LINGO2: variants seen among roughly 807,000 people sequenced by gnomAD.
LINGO2 encodes the protein leucine rich repeat and Ig domain containing 2, also known as leucine-rich repeat and immunoglobulin-like domain-containing nogo receptor-interacting protein 2.
Under a neutral mutation model 30.6 loss-of-function variants are expected in LINGO2, and 14 were observed. The observed-to-expected ratio is 0.46, with a 90% CI of 0.30 to 0.72. LINGO2 has a LOEUF of 0.72. LINGO2 is among the 30% of genes least tolerant of loss of function. The pLI is 0.07. For missense variants in LINGO2, 729 were observed against 751.7 expected (o/e 0.97, Z 0.35); for synonymous variants, 317 against 288.5 (o/e 1.10, Z -1.00).
intron 2 of LINGO2, among the ~76,000 whole-genome samples, chr9:28,453,478 GAAAT>G (rs1824727850): frequency 6.6e-6 from 1 of 151,834 alleles, no homozygotes; most frequent in African/African-American, 2.4e-5. Flanking sequence ...TTCAAATTGT[GAAAT>G]AAATAAAATA....
intron 5 of LINGO2, among the ~76,000 whole-genome samples, chr9:27,998,240 T>C (rs1045529909): frequency 2.8e-4 from 42 of 152,190 alleles, no homozygotes; most frequent in Admixed American, 2.7e-3. Context: ...CTAGGTCATA[T>C]GAAACCTTTC....
At chr9:29,154,093 T>C in the LINGO2 span, among the ~76,000 whole-genome samples, 1 of 152,138 alleles carries the variant, frequency 6.6e-6, no homozygotes, top group Non-Finnish European at 1.5e-5. Context: ...ATTAATAGTT[T>C]TAGTTAATAG....
intron 1 of LINGO2, among the ~76,000 whole-genome samples, chr9:28,591,130 G>A (rs1270954891): frequency 6.6e-6 from 1 of 151,786 alleles, no homozygotes; most frequent in Non-Finnish European, 1.5e-5. Context: ...GACACAGGAA[G>A]GGGAACCTCA....
the LINGO2 span, among the ~76,000 whole-genome samples, chr9:28,678,842 G>A: frequency 3.3e-5 from 5 of 152,172 alleles, no homozygotes; most frequent in African/African-American, 1.2e-4. Flanking sequence ...CAAACTTGGT[G>A]CCTCAACAGT....
At position 28,528,760 on chromosome 9, in the gene LINGO2, GGTGT is replaced by G. The variant is rs113637611; in HGVS notation, c.-364-52739_-364-52736del. On this transcript the variant is annotated intron_variant, in intron 1 of 5. Coordinates refer to ENST00000379992, the Ensembl canonical transcript of LINGO2. ...ACCATCTACTATTCTCTGCAGCAAAGGTGTGTGTGTGTGTGTGTATTGTTGATGT... is the reference window on the plus strand; with the variant it reads ...ACCATCTACTATTCTCTGCAGCAAAGGTGTGTGTGTGTGTATTGTTGATGT... 1.6e-3 allele frequency among the ~76,000 whole-genome samples: 245 copies of G among 150,278 alleles called. 1 individual carries two copies. The highest frequency in any genetic ancestry group is 3.4e-3 in the Middle Eastern group (1 of 292).
the LINGO2 span, among the ~76,000 whole-genome samples, chr9:29,131,481 C>T: frequency 1.3e-5 from 2 of 151,996 alleles, no homozygotes; most frequent in Non-Finnish European, 2.9e-5. Flanking sequence ...CATCCCAATC[C>T]CCGCTCTATT....
intron 2 of LINGO2, among the ~76,000 whole-genome samples, chr9:28,472,417 A>G (rs531262303): frequency 1.3e-5 from 2 of 152,108 alleles, no homozygotes; most frequent in African/African-American, 4.8e-5. Context: ...TGTTAAGGGA[A>G]TCAAGAAAAT....
At chr9:29,062,772 T>TA in the LINGO2 span, among the ~76,000 whole-genome samples, 1 of 152,054 alleles carries the variant, frequency 6.6e-6, no homozygotes, top group Non-Finnish European at 1.5e-5. Flanking sequence ...GATGGTTGCA[T>TA]AAAAAAGTAC....
In LINGO2 at chr9:28,557,094, C is replaced by T. The variant is rs572076818; in HGVS notation, c.-364-81069G>A. 2.6e-5 allele frequency among the ~76,000 whole-genome samples: 4 copies of T among 152,156 alleles called. No individual in the cohort carries two copies. In the South Asian group the frequency reaches 8.3e-4, roughly 32 times the overall value. Reference sequence around the variant, plus strand: ...TTCAGGACATAGGCATGGGCAAGGACTTCATGTCTAAAACACCAAAAGCAA... The same window carrying T: ...TTCAGGACATAGGCATGGGCAAGGATTTCATGTCTAAAACACCAAAAGCAA... On this transcript the variant is annotated intron_variant, in intron 1 of 5. Coordinates refer to ENST00000379992, the Ensembl canonical transcript of LINGO2.
chr9:28,830,717 C>T, the LINGO2 span, among the ~76,000 whole-genome samples: 2 of 151,972 alleles, frequency 1.3e-5, no homozygotes, highest in Non-Finnish European at 2.9e-5. Context: ...CTGACGTCTC[C>T]CCAAAACTAC....
chr9:28,091,137 G>T (rs1826071466), intron 4 of LINGO2, among the ~76,000 whole-genome samples: 1 of 152,110 alleles, frequency 6.6e-6, no homozygotes, highest in South Asian at 2.1e-4. Flanking sequence ...TGGCCATATT[G>T]CCCAAGGTAA....
intron 4 of LINGO2, among the ~76,000 whole-genome samples, chr9:28,144,061 T>C (rs767658366): frequency 3.0e-4 from 45 of 152,146 alleles, no homozygotes; most frequent in Non-Finnish European, 5.9e-4. Flanking sequence ...GGTAGGTACG[T>C]AGGCAGACAG....
At chr9:29,116,439 A>G in the LINGO2 span, among the ~76,000 whole-genome samples, 1 of 151,598 alleles carries the variant, frequency 6.6e-6, no homozygotes, top group Non-Finnish European at 1.5e-5. Context: ...GTATTCATTT[A>G]TACTCCCTTT....
intron 3 of LINGO2, among the ~76,000 whole-genome samples, chr9:28,349,926 A>C (rs1320871159): frequency 6.6e-6 from 1 of 152,156 alleles, no homozygotes; most frequent in Non-Finnish European, 1.5e-5. Context: ...GAGAAATAAA[A>C]TCCTTTACAG....
intron 2 of LINGO2, among the ~76,000 whole-genome samples, chr9:28,442,938 C>G (rs1466082537): frequency 1.3e-5 from 2 of 151,298 alleles, no homozygotes; most frequent in African/African-American, 2.4e-5. Flanking sequence ...ATATATTTTC[C>G]ATATACTCAA....
chr9:28,468,113 G>A (rs1825382921), intron 2 of LINGO2, among the ~76,000 whole-genome samples: 1 of 152,076 alleles, frequency 6.6e-6, no homozygotes. Context: ...TAATTTAATA[G>A]TATATCTGAT....
the LINGO2 span, among the ~76,000 whole-genome samples, chr9:28,960,171 A>G: frequency 6.6e-6 from 1 of 152,186 alleles, no homozygotes; most frequent in Non-Finnish European, 1.5e-5. Flanking sequence ...TATAGTTTTA[A>G]TTAAAAAAGA....
At chr9:28,452,796 T>A (rs1400217613) in intron 2 of LINGO2, among the ~76,000 whole-genome samples, 1 of 151,780 alleles carries the variant, frequency 6.6e-6, no homozygotes, top group Non-Finnish European at 1.5e-5. Context: ...TAAGCATATA[T>A]GTACAAACAT....
At chr9:29,203,458 T>C in the LINGO2 span, among the ~76,000 whole-genome samples, 1 of 152,188 alleles carries the variant, frequency 6.6e-6, no homozygotes, top group East Asian at 1.9e-4. Context: ...TTATGACCCA[T>C]GTCTTATTTA....
Sources: gnomAD v4.1 joint callset for allele counts (sites outside exome capture counted in the v4.1 genomes callset) on GRCh38, gnomAD v4.1.1 for gene constraint, MANE v1.5 for transcripts, NCBI Gene and HGNC (gene_info 2026-07-23, HGNC 2026-07-21) for gene names.